Variants in RAB3C observed in about 807,000 individuals in gnomAD.
RAB3C encodes the protein ras-related protein Rab-3C.
A neutral mutation model predicts 26.4 loss-of-function variants in RAB3C; 17 were observed. The ratio of observed to expected loss-of-function variants is 0.64; its 90% confidence interval spans 0.44 to 0.97. RAB3C has a LOEUF of 0.97. Ranked by LOEUF, RAB3C falls within the 50% of genes least tolerant of loss-of-function variation. The pLI is 0.00. For synonymous variants in RAB3C, 91 were observed against 95.9 expected (o/e 0.95, Z 0.30); for missense variants, 242 against 281.9 (o/e 0.86, Z 1.01).
chr5:58,701,875 C>T (rs1449423220), intron 2 of RAB3C, among the ~76,000 whole-genome samples: 3 of 152,166 alleles, frequency 2.0e-5, no homozygotes, highest in Non-Finnish European at 1.5e-5. Flanking sequence ...GGATAATCCC[C>T]TCATTGTGAG....
chr5:58,603,756 G>A (rs1164178186), intron 1 of RAB3C, among the ~76,000 whole-genome samples: 1 of 152,084 alleles, frequency 6.6e-6, no homozygotes, highest in Non-Finnish European at 1.5e-5. Context: ...AGCTTTCTCT[G>A]GTCCCTCCCT....
intron 2 of RAB3C, among the ~76,000 whole-genome samples, chr5:58,724,643 A>C (rs1740844386): frequency 1.3e-5 from 2 of 151,830 alleles, no homozygotes; most frequent in African/African-American, 4.8e-5. Flanking sequence ...GCTTAATGAA[A>C]GTAAACATAT....
chr5:58,676,033 C>T (rs966737901), intron 2 of RAB3C, among the ~76,000 whole-genome samples: 2 of 152,058 alleles, frequency 1.3e-5, no homozygotes, highest in African/African-American at 4.8e-5. Context: ...AAGCTTCCTC[C>T]CATCAGCCTT....
chr5:58,813,338 T>C (rs945710206), intron 3 of RAB3C, among the ~76,000 whole-genome samples: 3 of 152,014 alleles, frequency 2.0e-5, no homozygotes, highest in South Asian at 4.1e-4. Flanking sequence ...TTAGCAAGGC[T>C]GGGGTCTTCC....
At chr5:58,847,065 G>C (rs1444126055) in intron 4 of RAB3C, 1 of 152,056 alleles carries the variant, frequency 6.6e-6, no homozygotes, top group East Asian at 2.0e-4. Context: ...CACGAACAGT[G>C]CCGCCTGCCT....
intron 2 of RAB3C, among the ~76,000 whole-genome samples, chr5:58,673,055 G>C (rs1748151853): frequency 6.6e-6 from 1 of 152,132 alleles, no homozygotes; most frequent in Admixed American, 6.6e-5. Context: ...TTTTGTTGGG[G>C]TGAGGGGAAT....
chr5:58,614,269 G>C (rs1023711050), intron 1 of RAB3C, among the ~76,000 whole-genome samples: 4 of 151,980 alleles, frequency 2.6e-5, no homozygotes, highest in African/African-American at 7.2e-5. Flanking sequence ...AACTTACATA[G>C]TGCCTGTCTG....
chr5:58,620,071 A>G (rs748863094), intron 2 of RAB3C, among the ~76,000 whole-genome samples: 26 of 151,786 alleles, frequency 1.7e-4, no homozygotes, highest in Non-Finnish European at 3.4e-4. Flanking sequence ...ACAATCTACT[A>G]GTTTCTTATT....
At chr5:58,624,229 C>A (rs1747006886) in intron 2 of RAB3C, among the ~76,000 whole-genome samples, 1 of 152,134 alleles carries the variant, frequency 6.6e-6, no homozygotes, top group Admixed American at 6.5e-5. Flanking sequence ...TCCACTGCTG[C>A]TATAAATGGT....
chr5:58,840,562 C>G (rs1031965455), intron 4 of RAB3C, among the ~76,000 whole-genome samples: 7 of 152,268 alleles, frequency 4.6e-5, no homozygotes, highest in South Asian at 2.1e-4. Flanking sequence ...TGTCCCTACA[C>G]TGATTTCTAT....
At chr5:58,819,915 A>G (rs1463699441) in intron 3 of RAB3C, among the ~76,000 whole-genome samples, 2 of 152,000 alleles carry the variant, frequency 1.3e-5, no homozygotes, top group Non-Finnish European at 2.9e-5. Context: ...ATGGCTTCTT[A>G]TGATCACTAT....
chr5:58,662,098 G>C (rs963241349), intron 2 of RAB3C, among the ~76,000 whole-genome samples: 1 of 149,896 alleles, frequency 6.7e-6, no homozygotes. Flanking sequence ...ATCAGCTCTT[G>C]TGGGAGGTCT....
At chr5:58,693,473 T>C (rs1748622771) in intron 2 of RAB3C, among the ~76,000 whole-genome samples, 3 of 151,438 alleles carry the variant, frequency 2.0e-5, no homozygotes, top group Admixed American at 6.6e-5. Context: ...TAATATATCT[T>C]GTTTAATACA....
At chr5:58,604,241 C>T (rs1746513769) in intron 1 of RAB3C, among the ~76,000 whole-genome samples, 1 of 152,174 alleles carries the variant, frequency 6.6e-6, no homozygotes, top group Non-Finnish European at 1.5e-5. Flanking sequence ...CTGTGAAGGT[C>T]CTTAGCTTTG....
chr5:58,846,498 C>G (rs1744008355), intron 4 of RAB3C, among the ~76,000 whole-genome samples: 1 of 152,126 alleles, frequency 6.6e-6, no homozygotes, highest in Non-Finnish European at 1.5e-5. Flanking sequence ...CCCACCTCAG[C>G]CTCCCGAGTA....
chr5:58,746,775 G>T (rs954517348), intron 3 of RAB3C, among the ~76,000 whole-genome samples: 2 of 152,172 alleles, frequency 1.3e-5, no homozygotes, highest in African/African-American at 4.8e-5. Flanking sequence ...ATCAAATGTG[G>T]TGACATATTC....
At chr5:58,688,016 TTTAA>T (rs1748482884) in intron 2 of RAB3C, among the ~76,000 whole-genome samples, 2 of 152,154 alleles carry the variant, frequency 1.3e-5, no homozygotes, top group Non-Finnish European at 2.9e-5. Context: ...TATGAACTAT[TTTAA>T]TTAATTCTGG....
chr5:58,815,180 C>G (rs1235296295), intron 3 of RAB3C, among the ~76,000 whole-genome samples: 1 of 152,162 alleles, frequency 6.6e-6, no homozygotes, highest in African/African-American at 2.4e-5. Flanking sequence ...GTTCCACATT[C>G]AACACAATGT....
chr5:58,609,474 A>T (rs1242461437), intron 1 of RAB3C, among the ~76,000 whole-genome samples: 1 of 151,846 alleles, frequency 6.6e-6, no homozygotes, highest in Non-Finnish European at 1.5e-5. Context: ...GATAGTGCAA[A>T]GATTAGGTGT....
Sources: gnomAD v4.1 joint callset for allele counts (sites outside exome capture counted in the v4.1 genomes callset) on GRCh38, gnomAD v4.1.1 for gene constraint, MANE v1.5 for transcripts, NCBI Gene and HGNC (gene_info 2026-07-23, HGNC 2026-07-21) for gene names.